Variants in AANAT observed in about 807,000 individuals in gnomAD.
AANAT encodes aralkylamine N-acetyltransferase.
Under a neutral mutation model 15.6 loss-of-function variants are expected in AANAT, and 11 were observed. The observed-to-expected ratio is 0.71, with a 90% confidence interval of 0.44 to 1.17. The LOEUF (loss-of-function observed/expected upper bound fraction) is 1.17. Among genes scored for constraint, AANAT ranks in the 50% most tolerant of loss-of-function variants. The probability of loss-of-function intolerance (pLI) is 0.00; values close to 1 mark genes in which losing one functional copy is unlikely to be tolerated. For synonymous variants in AANAT, 139 were observed against 131.5 expected (o/e 1.06, Z -0.39); for missense variants, 286 against 296.3 (o/e 0.97, Z 0.26).
At chr17:76,460,891 G>C (rs1365846320) in intron 2 of AANAT, among the ~76,000 whole-genome samples, 1 of 152,146 alleles carries the variant, frequency 6.6e-6, no homozygotes, top group Non-Finnish European at 1.5e-5. Flanking sequence ...TGGGCCGGGC[G>C]TGGTGGCTCA....
chr17:76,460,934 G>A (rs1289743762), intron 2 of AANAT, among the ~76,000 whole-genome samples: 22 of 152,138 alleles, frequency 1.4e-4, no homozygotes, highest in African/African-American at 7.2e-5. Flanking sequence ...GGAGGCTGAG[G>A]GGGGCAGATT....
chr17:76,463,863 A>G (rs1410553975), upstream of AANAT, among the ~76,000 whole-genome samples: 1 of 152,114 alleles, frequency 6.6e-6, no homozygotes, highest in African/African-American at 2.4e-5. Flanking sequence ...TTTTACTGTC[A>G]TGATATCAGT....
intron 1 of AANAT, among the ~76,000 whole-genome samples, chr17:76,454,695 C>T (rs2073322137): frequency 6.7e-6 from 1 of 150,264 alleles, no homozygotes; most frequent in Non-Finnish European, 1.5e-5. Flanking sequence ...TGGTGGTGTG[C>T]ACCTGTAGTC....
chr17:76,468,935 G>A (rs960065242), intron 2 of AANAT, 26 bp downstream of exon 2: 8 of 1,602,190 alleles, frequency 5.0e-6, no homozygotes, highest in East Asian at 4.5e-5. Flanking sequence ...CAGGGTCAGA[G>A]GGATGCTCCA....
chr17:76,467,790 T>TTC, intron 1 of AANAT, 63 bp downstream of exon 1: 1 of 936,870 alleles, frequency 1.1e-6, no homozygotes, highest in African/African-American at 1.8e-5. Context: ...TACTTGGAGC[T>TTC]TCTAGACATG....
At chr17:76,465,162 A>G (rs148371105), upstream of AANAT, among the ~76,000 whole-genome samples, 307 of 152,200 alleles carry the variant, frequency 2.0e-3, no homozygotes, top group African/African-American at 6.6e-3. Flanking sequence ...TTGGGGGGCA[A>G]AGGACACATT....
In AANAT at chr17:76,469,204, G is replaced by C. The variant is rs368578697; in HGVS notation, c.195G>C (p.Leu65=). The C allele has an allele frequency of 1.4e-5, 23 of 1,614,038 alleles. No homozygotes were observed. Among genetic ancestry groups the C allele is most frequent in the Non-Finnish European group, 1.9e-5 (22 of 1,180,046 alleles). The change falls in exon 3 of 4, where the codon CTG becomes CTC. Residue 65 remains leucine (L), a synonymous_variant. Coordinates refer to ENST00000392492, the MANE Select transcript of AANAT (RefSeq NM_001088.3). This position sits in a 1 kb window ranked among gnomAD's most constrained non-coding sequence, Gnocchi z 5.2. ...TCTCCGTCTTGGGCGTCTGCCCCCT[G>C]TACCTGGATGAGATCCGGCACTTCC... ...AFISVLGVCP[L]YLDEIRHFLT... is the part of the protein sequence containing the mutation.
chr17:76,461,605 C>CAAA (rs10578887), intron 2 of AANAT, among the ~76,000 whole-genome samples: 9 of 52,850 alleles, frequency 1.7e-4, no homozygotes, highest in Admixed American at 5.4e-4. Context: ...GAGCCTCCAC[C>CAAA]AAAAAAAAAA....
In AANAT at chr17:76,469,151, C is replaced by T. The variant is rs1444439714; in HGVS notation, c.164-22C>T. ...GCGAGGCACAGCGACTACCAGTCACCCACCTGAGCCTCCTGCCACAGCCTT... is the reference window on the plus strand; with the variant it reads ...GCGAGGCACAGCGACTACCAGTCACTCACCTGAGCCTCCTGCCACAGCCTT... On this transcript the variant is annotated intron_variant, in intron 2 of 3. Transcript: ENST00000392492. This position sits in a 1 kb window ranked among gnomAD's most constrained non-coding sequence, Gnocchi z 5.2. The T allele has an allele frequency of 6.2e-7, 1 of 1,613,450 alleles. No individual in the cohort carries two copies. The highest frequency in any genetic ancestry group is 1.1e-5 in the South Asian group (1 of 91,040).
At chr17:76,464,866 G>A (rs1037445217), upstream of AANAT, among the ~76,000 whole-genome samples, 10 of 151,412 alleles carry the variant, frequency 6.6e-5, no homozygotes, top group African/African-American at 1.7e-4. Flanking sequence ...CACGATCTTG[G>A]CTCACTGCAA....
intron 1 of AANAT, among the ~76,000 whole-genome samples, chr17:76,454,598 T>A (rs968643978): frequency 6.6e-6 from 1 of 150,548 alleles, no homozygotes; most frequent in Non-Finnish European, 1.5e-5. Flanking sequence ...ATGGATCACC[T>A]GATCACCTGA....
At chr17:76,463,433 G>A (rs1184829125), upstream of AANAT, among the ~76,000 whole-genome samples, 3 of 148,776 alleles carry the variant, frequency 2.0e-5, no homozygotes, top group Non-Finnish European at 3.0e-5. Flanking sequence ...TCAGCCTCCC[G>A]AGTAGCTGGG....
intron 1 of AANAT, among the ~76,000 whole-genome samples, chr17:76,467,978 C>G (rs1289472319): frequency 6.6e-6 from 1 of 152,042 alleles, no homozygotes; most frequent in African/African-American, 2.4e-5. Context: ...TCCTTGCCTG[C>G]TCCTCCCCAT....
chr17:76,466,957 C>A (rs1301669380), upstream of AANAT, among the ~76,000 whole-genome samples: 1 of 152,126 alleles, frequency 6.6e-6, no homozygotes, highest in Non-Finnish European at 1.5e-5. Flanking sequence ...GACACAGGAT[C>A]TGCACTGCTG....
chr17:76,456,933 G>A (rs965878671), intron 1 of AANAT, among the ~76,000 whole-genome samples: 22 of 152,180 alleles, frequency 1.4e-4, no homozygotes, highest in African/African-American at 5.1e-4. Context: ...AAGGGCAGGG[G>A]CTTTTGTAGT....
intron 1 of AANAT, among the ~76,000 whole-genome samples, chr17:76,455,327 T>C (rs1001494762): frequency 3.3e-5 from 5 of 152,026 alleles, no homozygotes; most frequent in African/African-American, 1.2e-4. Flanking sequence ...GGCAGGCGCC[T>C]GTAATTCCAG....
rs1285881737 is a variant in AANAT at position 76,469,284 on chromosome 17, C to T, written c.275C>T (p.Ala92Val). The T allele has an allele frequency of 8.7e-6, 14 of 1,614,142 alleles. No individual in the cohort carries two copies. The highest frequency in any genetic ancestry group is 1.0e-5 in the Non-Finnish European group (12 of 1,180,018). The change falls in exon 3 of 4, where the codon GCC becomes GTC. Residue 92 changes from alanine to valine, a missense_variant. Coordinates refer to ENST00000392492, the MANE Select transcript of AANAT (RefSeq NM_001088.3). This position sits in a 1 kb window ranked among gnomAD's most constrained non-coding sequence, Gnocchi z 5.2. The part of the protein sequence containing the change: ...LGWFEEGCLV[A>V]FIIGSLWDKE... The stretch of plus-strand genomic sequence containing the variant: ...TGGTTCGAGGAGGGCTGCCTTGTGG[C>T]CTTCATCATCGGCTCGCTCTGGGAC...
chr17:76,454,100 T>C (rs1468045995), intron 1 of AANAT, among the ~76,000 whole-genome samples: 1 of 152,204 alleles, frequency 6.6e-6, no homozygotes, highest in Non-Finnish European at 1.5e-5. Flanking sequence ...TTAACCATTG[T>C]TGTACTATTT....
chr17:76,468,150 C>A (rs1398327264), intron 1 of AANAT, among the ~76,000 whole-genome samples: 1 of 152,144 alleles, frequency 6.6e-6, no homozygotes, highest in African/African-American at 2.4e-5. Context: ...GCTGAGGCTA[C>A]CTAAAAAGCT....
Sources: gnomAD v4.1 joint callset for allele counts (sites outside exome capture counted in the v4.1 genomes callset) on GRCh38, gnomAD v4.1.1 for gene constraint, Gnocchi (gnomAD v3.1) non-coding constraint, MANE v1.5 for transcripts, NCBI Gene and HGNC (gene_info 2026-07-23, HGNC 2026-07-21) for gene names.